The following ACOXL variants were observed in gnomAD, a reference collection of about 807,000 sequenced individuals.
ACOXL encodes the protein acyl-CoA oxidase like.
ACOXL carries 70 observed loss-of-function variants against 71.9 expected under a neutral mutation model. The observed-to-expected ratio is 0.97, with a 90% confidence interval of 0.80 to 1.19. ACOXL has a LOEUF of 1.19. Ranked by LOEUF, ACOXL falls within the 50% of genes most tolerant of loss-of-function variation. The probability of loss-of-function intolerance (pLI) is 0.00; values close to 1 mark genes in which losing one functional copy is unlikely to be tolerated. For missense variants in ACOXL, 703 were observed against 736.3 expected (o/e 0.95, Z 0.52); for synonymous variants, 253 against 281.6 (o/e 0.90, Z 1.02).
intron 9 of ACOXL, among the ~76,000 whole-genome samples, chr2:110,809,523 G>A (rs1159935373): frequency 1.3e-5 from 2 of 152,194 alleles, no homozygotes; most frequent in Non-Finnish European, 2.9e-5. Context: ...CCAGCACCAG[G>A]AGCTTCAGGG....
At chr2:110,878,460 A>AT (rs113821722) in intron 10 of ACOXL, among the ~76,000 whole-genome samples, 18 of 152,320 alleles carry the variant, frequency 1.2e-4, no homozygotes, top group African/African-American at 4.1e-4. Flanking sequence ...TTGAATTGAT[A>AT]TGCAAGAAAT....
chr2:111,066,507 A>G (rs150614839), intron 16 of ACOXL, among the ~76,000 whole-genome samples: 178 of 152,320 alleles, frequency 1.2e-3, no homozygotes, highest in African/African-American at 4.1e-3. Flanking sequence ...ATGTTGTACT[A>G]TAGTTTTTTA....
At chr2:111,111,213 C>T (rs890538439) in intron 17 of ACOXL, among the ~76,000 whole-genome samples, 1 of 152,152 alleles carries the variant, frequency 6.6e-6, no homozygotes, top group East Asian at 1.9e-4. Context: ...AATCCACCCA[C>T]GTCAGCCTCC....
chr2:110,832,240 TA>T (rs1689916417), intron 9 of ACOXL, among the ~76,000 whole-genome samples: 1 of 152,066 alleles, frequency 6.6e-6, no homozygotes, highest in Admixed American at 6.6e-5. Context: ...CATGATCCTT[TA>T]AAGAACAAAC....
intron 3 of ACOXL, among the ~76,000 whole-genome samples, chr2:110,790,171 C>CT (rs1217755599): frequency 6.6e-6 from 1 of 152,210 alleles, no homozygotes; most frequent in Non-Finnish European, 1.5e-5. Context: ...ATGGTGGGGA[C>CT]TGTAACCTCC....
intron 10 of ACOXL, among the ~76,000 whole-genome samples, chr2:110,851,993 A>G (rs75117121): frequency 0.015 from 2,242 of 152,294 alleles, 55 homozygotes; most frequent in African/African-American, 0.052. Flanking sequence ...ATGAGCTTGG[A>G]GGAAGCCCCC....
intron 17 of ACOXL, among the ~76,000 whole-genome samples, chr2:111,101,519 G>A (rs990571791): frequency 2.0e-5 from 3 of 152,104 alleles, no homozygotes; most frequent in Non-Finnish European, 4.4e-5. Context: ...TCAGACGCTA[G>A]AATTGAATGT....
chr2:110,744,433 T>C (rs1252455433), intron 1 of ACOXL, among the ~76,000 whole-genome samples: 1 of 152,198 alleles, frequency 6.6e-6, no homozygotes, highest in Non-Finnish European at 1.5e-5. Context: ...TGTGTGCTAA[T>C]GTAATATGAG....
At chr2:110,764,868 T>C (rs1680854214) in intron 1 of ACOXL, among the ~76,000 whole-genome samples, 1 of 152,198 alleles carries the variant, frequency 6.6e-6, no homozygotes, top group Admixed American at 6.5e-5. Flanking sequence ...TTTTTACTCA[T>C]TCTGATGTTC....
chr2:111,012,483 C>G (rs2064216462), intron 14 of ACOXL, among the ~76,000 whole-genome samples: 1 of 152,174 alleles, frequency 6.6e-6, no homozygotes, highest in Non-Finnish European at 1.5e-5. Flanking sequence ...ACACTGTCAT[C>G]TAATTCAATC....
chr2:111,046,484 G>C (rs2066021725), intron 15 of ACOXL, among the ~76,000 whole-genome samples: 1 of 152,212 alleles, frequency 6.6e-6, no homozygotes, highest in African/African-American at 2.4e-5. Flanking sequence ...AGTTCTGCAG[G>C]GTTGGGGAGG....
chr2:110,752,517 A>G (rs893019280), intron 1 of ACOXL, among the ~76,000 whole-genome samples: 1 of 151,210 alleles, frequency 6.6e-6, no homozygotes, highest in Non-Finnish European at 1.5e-5. Context: ...AGCAGCTAGC[A>G]CTTTCGGAGA....
chr2:110,772,213 C>A (rs969637097), intron 2 of ACOXL, among the ~76,000 whole-genome samples: 1 of 152,090 alleles, frequency 6.6e-6, no homozygotes, highest in Non-Finnish European at 1.5e-5. Context: ...GGATTCAAAC[C>A]CAGGTGCTCT....
rs574426774 is a variant in ACOXL, at chr2:110,966,050, T to C, written c.1060-21058T>C. On this transcript the variant is annotated intron_variant, in intron 12 of 17. Transcript: ENST00000439055. Reference sequence around the variant, plus strand: ...AACATAACCATTCTCCCGACCGCCGTTGACAATTTCTGCCTCGCTGGGAGC... The same window carrying C: ...AACATAACCATTCTCCCGACCGCCGCTGACAATTTCTGCCTCGCTGGGAGC... 1.6e-4 allele frequency among the ~76,000 whole-genome samples: 24 copies of C among 152,178 alleles called. No homozygotes were observed. The East Asian group carries it at 3.1e-3, about 20-fold the overall frequency.
At chr2:111,054,883 A>G (rs1379272576) in intron 16 of ACOXL, among the ~76,000 whole-genome samples, 1 of 152,134 alleles carries the variant, frequency 6.6e-6, no homozygotes, top group Admixed American at 6.5e-5. Context: ...GGGTTTTCAC[A>G]AGAAAAACAA....
At chr2:111,112,155 T>C (rs190391897) in intron 17 of ACOXL, among the ~76,000 whole-genome samples, 119 of 152,338 alleles carry the variant, frequency 7.8e-4, no homozygotes, top group Admixed American at 2.7e-3. Flanking sequence ...AAAATATAAT[T>C]TAAATTGATT....
At chr2:110,935,471 C>T (rs538258542) in intron 12 of ACOXL, among the ~76,000 whole-genome samples, 23 of 152,278 alleles carry the variant, frequency 1.5e-4, no homozygotes, top group African/African-American at 4.6e-4. Flanking sequence ...CAGTGCCACC[C>T]GGAACAACCG....
chr2:110,990,696 T>G (rs536882005), intron 13 of ACOXL, among the ~76,000 whole-genome samples: 1 of 152,354 alleles, frequency 6.6e-6, no homozygotes, highest in South Asian at 2.1e-4. Flanking sequence ...ACATTTTAAA[T>G]GTATTTTTGT....
At chr2:110,969,257 A>AATG (rs1325617577) in intron 12 of ACOXL, among the ~76,000 whole-genome samples, 3 of 152,208 alleles carry the variant, frequency 2.0e-5, no homozygotes, top group African/African-American at 7.2e-5. Flanking sequence ...TCCCTACCTC[A>AATG]AGAAAATTGA....
Sources: gnomAD v4.1 joint callset for allele counts (sites outside exome capture counted in the v4.1 genomes callset) on GRCh38, gnomAD v4.1.1 for gene constraint, MANE v1.5 for transcripts, NCBI Gene and HGNC (gene_info 2026-07-23, HGNC 2026-07-21) for gene names.